OPRM1: variants seen among roughly 807,000 people sequenced by gnomAD.
OPRM1 encodes opioid receptor mu 1.
OPRM1 carries 27 observed loss-of-function variants against 31.8 expected under a neutral mutation model. The observed-to-expected ratio is 0.85, with a 90% CI of 0.63 to 1.17. The LOEUF is 1.17. Ranked by LOEUF, OPRM1 falls within the 50% of genes most tolerant of loss-of-function variation. OPRM1 has a pLI of 0.00. For missense variants in OPRM1, 536 were observed against 511.1 expected (o/e 1.05, Z -0.47); for synonymous variants, 196 against 189.9 (o/e 1.03, Z -0.26).
chr6:154,116,722 T>A (rs1383758226), intron 3 of OPRM1, among the ~76,000 whole-genome samples: 3 of 152,152 alleles, frequency 2.0e-5, no homozygotes, highest in Non-Finnish European at 1.5e-5. Flanking sequence ...ATTTGCACAG[T>A]GTTTTAAAGT....
chr6:154,192,413 A>T (rs1801983791), intron 3 of OPRM1, among the ~76,000 whole-genome samples: 1 of 152,032 alleles, frequency 6.6e-6, no homozygotes, highest in African/African-American at 2.4e-5. Context: ...TTCTATGTAT[A>T]TGATACTTTT....
At chr6:154,133,977 T>C (rs576319770), downstream of OPRM1, among the ~76,000 whole-genome samples, 1 of 152,244 alleles carries the variant, frequency 6.6e-6, no homozygotes, top group Non-Finnish European at 1.5e-5. Context: ...GACATAGGGT[T>C]TGAAAGCTGA....
intron 1 of OPRM1, among the ~76,000 whole-genome samples, chr6:154,042,402 G>T (rs55638655): frequency 0.056 from 8,525 of 152,178 alleles, 803 homozygotes; most frequent in African/African-American, 0.2. Flanking sequence ...GAGGAGAAAT[G>T]TTCACTTCCT....
intron 3 of OPRM1, among the ~76,000 whole-genome samples, chr6:154,146,355 G>A (rs958528886): frequency 2.6e-5 from 4 of 152,160 alleles, no homozygotes; most frequent in African/African-American, 7.2e-5. Flanking sequence ...AGCTGAGATC[G>A]TGCCACTGCA....
rs561606660 is a variant in OPRM1, at chr6:154,228,361, G to A, written c.1165-18332G>A. 5.9e-5 allele frequency among the ~76,000 whole-genome samples: 9 copies of A among 151,606 alleles called. No individual in the cohort carries two copies. In the South Asian group the frequency reaches 1.5e-3, roughly 25 times the overall value. Reference sequence around the variant, plus strand: ...ATGCTGGTACCTGCAAGCTTCCCTCGAAATCCTGATGTAATAAAAAACTTG... The same window carrying A: ...ATGCTGGTACCTGCAAGCTTCCCTCAAAATCCTGATGTAATAAAAAACTTG... On this transcript the variant is annotated intron_variant, in intron 3 of 3. Transcript: ENST00000337049.
chr6:154,240,835 C>T (rs1290144203), intron 3 of OPRM1, among the ~76,000 whole-genome samples: 1 of 152,214 alleles, frequency 6.6e-6, no homozygotes, highest in African/African-American at 2.4e-5. Flanking sequence ...AACACAATCA[C>T]AATTGTACAG....
chr6:154,122,730 G>A lies in OPRM1; in HGVS notation c.*4009G>A, dbSNP rs897143887. Among the ~76,000 whole-genome samples, 6 of 152,162 alleles carry A rather than the reference G, an allele frequency of 3.9e-5. No homozygotes were observed. The highest frequency in any genetic ancestry group is 5.9e-5 in the Non-Finnish European group (4 of 68,028). ...TGGCAAATGTTCAACCTTTTGTTATGCAATATCACCCATATCAAATACCAT... is the reference window on the plus strand; with the variant it reads ...TGGCAAATGTTCAACCTTTTGTTATACAATATCACCCATATCAAATACCAT... On this transcript the variant is annotated 3_prime_UTR_variant, in exon 4 of 4. Coordinates refer to ENST00000330432, the MANE Select transcript of OPRM1 (RefSeq NM_000914.5).
intron 1 of OPRM1, among the ~76,000 whole-genome samples, chr6:154,040,999 T>A (rs1419742487): frequency 1.3e-5 from 2 of 152,144 alleles, no homozygotes; most frequent in East Asian, 3.9e-4. Context: ...GGTATGTGTA[T>A]ATAGGGAACA....
chr6:154,101,901 G>A (rs1794884868), intron 3 of OPRM1, among the ~76,000 whole-genome samples: 1 of 152,094 alleles, frequency 6.6e-6, no homozygotes, highest in African/African-American at 2.4e-5. Flanking sequence ...ATTACAATTA[G>A]ATAAGAACAG....
intron 1 of OPRM1, among the ~76,000 whole-genome samples, chr6:154,020,920 C>T (rs1215362909): frequency 6.6e-6 from 1 of 152,198 alleles, no homozygotes; most frequent in Admixed American, 6.5e-5. Context: ...CTTGTCATTT[C>T]ATTCTCTTGA....
rs757697085 is a variant in OPRM1 at position 154,096,347 on chromosome 6, CCT to C, written c.1164+4876_1164+4877del. Among the ~76,000 whole-genome samples, 61 of 152,154 alleles carry C rather than the reference CCT, an allele frequency of 4.0e-4. 1 individual carries two copies. The highest frequency in any genetic ancestry group is 4.3e-4 in the Non-Finnish European group (29 of 67,988). ...AGTGCTGAGATTCCAGACGTGAGCC[CCT>C]GTGTCTGGCCTCTAACGCATTTTAT... On this transcript the variant is annotated intron_variant, in intron 3 of 3. Coordinates refer to ENST00000330432, the MANE Select transcript of OPRM1 (RefSeq NM_000914.5).
intron 3 of OPRM1, chr6:154,093,133 C>G: frequency 1.5e-6 from 1 of 688,578 alleles, no homozygotes; most frequent in Non-Finnish European, 2.4e-6. Flanking sequence ...TTTCACCAAC[C>G]TGGGGATAAC....
intron 3 of OPRM1, among the ~76,000 whole-genome samples, chr6:154,142,271 C>A (rs115788295): frequency 0.041 from 2,180 of 53,520 alleles, 25 homozygotes; most frequent in Middle Eastern, 0.21. Flanking sequence ...TCGCAGCCAG[C>A]GCCAGGGAGA....
intron 3 of OPRM1, among the ~76,000 whole-genome samples, chr6:154,186,787 A>C (rs1801404876): frequency 6.6e-6 from 1 of 151,666 alleles, no homozygotes; most frequent in Admixed American, 6.6e-5. Flanking sequence ...TGATCTCCTG[A>C]CCTCGTGATC....
intron 3 of OPRM1, among the ~76,000 whole-genome samples, chr6:154,180,416 T>TATATATATATA (rs1562526757): frequency 2.0e-5 from 1 of 51,094 alleles, no homozygotes; most frequent in Non-Finnish European, 4.0e-5. Context: ...ATATATATAT[T>TATATATATATA]TTTTTTTTAA....
rs149572388 is a variant in OPRM1, at chr6:154,178,853, A to T, written c.1165-67840A>T. ...CCTCTCTCCTCAGAGAAAGCCTGGA[A>T]CTGAAAGACTGTGTGTCTGACCTCT... On this transcript the variant is annotated intron_variant, in intron 3 of 3. Transcript: ENST00000337049. Among the ~76,000 whole-genome samples, 47 of 152,350 alleles carry T rather than the reference A, an allele frequency of 3.1e-4. No individual in the cohort carries two copies. The East Asian group carries it at 7.1e-3, about 23-fold the overall frequency.
chr6:154,177,924 T>C (rs1800483187), intron 3 of OPRM1, among the ~76,000 whole-genome samples: 1 of 152,116 alleles, frequency 6.6e-6, no homozygotes, highest in Non-Finnish European at 1.5e-5. Flanking sequence ...ATAAAGACAA[T>C]GTGTCACATA....
At chr6:154,208,471 T>C (rs1314693700) in intron 3 of OPRM1, among the ~76,000 whole-genome samples, 1 of 152,230 alleles carries the variant, frequency 6.6e-6, no homozygotes, top group Non-Finnish European at 1.5e-5. Context: ...ACTCCACTTC[T>C]GATGTAGCAT....
intron 3 of OPRM1, among the ~76,000 whole-genome samples, chr6:154,173,515 C>G (rs564384773): frequency 6.6e-6 from 1 of 151,912 alleles, no homozygotes; most frequent in African/African-American, 2.4e-5. Flanking sequence ...ACAAGAACTT[C>G]GTGAAGCATA....
Sources: gnomAD v4.1 joint callset for allele counts (sites outside exome capture counted in the v4.1 genomes callset) on GRCh38, gnomAD v4.1.1 for gene constraint, MANE v1.5 for transcripts, NCBI Gene and HGNC (gene_info 2026-07-23, HGNC 2026-07-21) for gene names.